Variants in IPCEF1 observed in about 807,000 individuals in gnomAD.
The protein encoded by IPCEF1 is interaction protein for cytohesin exchange factors 1, also known as interactor protein for cytohesin exchange factors 1.
In IPCEF1, 31 loss-of-function variants were observed where a neutral mutation model predicts 50.9. The observed-to-expected ratio is 0.61, with a 90% confidence interval of 0.46 to 0.82. The LOEUF (loss-of-function observed/expected upper bound fraction) is 0.82. Ranked by LOEUF, IPCEF1 falls within the 40% of genes least tolerant of loss-of-function variation. The pLI is 0.00. For missense variants in IPCEF1, 458 were observed against 514.0 expected, an observed-to-expected ratio of 0.89 and a Z score of 1.05; for synonymous variants, 181 against 192.0, an observed-to-expected ratio of 0.94 and a Z score of 0.47.
At chr6:154,283,362 C>T (rs906562157) in intron 2 of IPCEF1, among the ~76,000 whole-genome samples, 2 of 148,622 alleles carry the variant, frequency 1.3e-5, no homozygotes, top group South Asian at 2.1e-4. Context: ...TTTGGGAGGC[C>T]GAGGCGGGTA....
intron 1 of IPCEF1, among the ~76,000 whole-genome samples, chr6:154,339,727 C>T (rs533243947): frequency 1.8e-4 from 28 of 152,132 alleles, no homozygotes; most frequent in African/African-American, 6.7e-4. Flanking sequence ...GTAGCTGGGA[C>T]TACAAGCGCA....
chr6:154,187,394 G>C (rs1801482636), intron 10 of IPCEF1, among the ~76,000 whole-genome samples: 1 of 152,136 alleles, frequency 6.6e-6, no homozygotes, highest in African/African-American at 2.4e-5. Flanking sequence ...CTGTAGGGCT[G>C]TTTATTTTGG....
chr6:154,355,983 A>T (rs1784211251), intron 1 of IPCEF1, among the ~76,000 whole-genome samples: 2 of 152,144 alleles, frequency 1.3e-5, no homozygotes, highest in African/African-American at 4.8e-5. Context: ...TAAAATAAAT[A>T]ACTCGATAGA....
intron 8 of IPCEF1, 76 bp downstream of exon 8, chr6:154,214,142 G>C (rs9478525): frequency 1.1e-6 from 1 of 943,150 alleles, no homozygotes; most frequent in East Asian, 2.4e-5. Flanking sequence ...CATAGAACTT[G>C]ACATTGTTTT....
chr6:154,171,630 T>C (rs1017790217), intron 10 of IPCEF1, among the ~76,000 whole-genome samples: 2 of 152,214 alleles, frequency 1.3e-5, no homozygotes, highest in Non-Finnish European at 2.9e-5. Flanking sequence ...ATGTGAAATA[T>C]ATCTCAATAA....
intron 10 of IPCEF1, among the ~76,000 whole-genome samples, chr6:154,196,263 C>T (rs779335678): frequency 1.2e-4 from 19 of 152,150 alleles, no homozygotes; most frequent in Non-Finnish European, 2.4e-4. Flanking sequence ...ATTCCAACAG[C>T]AACTCTCAAA....
At chr6:154,170,571 A>G (rs1799792842) in intron 10 of IPCEF1, among the ~76,000 whole-genome samples, 2 of 152,236 alleles carry the variant, frequency 1.3e-5, no homozygotes, top group Admixed American at 6.5e-5. Flanking sequence ...CTTTTTCTCT[A>G]CCAAACCGTC....
intron 5 of IPCEF1, among the ~76,000 whole-genome samples, chr6:154,245,670 C>T (rs1012733612): frequency 7.2e-5 from 11 of 152,256 alleles, no homozygotes; most frequent in Admixed American, 7.2e-4. Context: ...ATAAGCAACT[C>T]CTAAGTACTT....
At chr6:154,191,157 A>G (rs959804828) in intron 10 of IPCEF1, among the ~76,000 whole-genome samples, 3 of 152,218 alleles carry the variant, frequency 2.0e-5, no homozygotes, top group Non-Finnish European at 4.4e-5. Context: ...TACATACCAT[A>G]TAATTGCAAC....
chr6:154,224,193 T>G (rs964546815), intron 5 of IPCEF1, among the ~76,000 whole-genome samples: 3 of 152,226 alleles, frequency 2.0e-5, no homozygotes, highest in Non-Finnish European at 4.4e-5. Context: ...GAAAATACAA[T>G]CTTAATTTTA....
intron 10 of IPCEF1, among the ~76,000 whole-genome samples, chr6:154,185,621 A>G (rs1801272993): frequency 6.6e-6 from 1 of 152,212 alleles, no homozygotes; most frequent in Non-Finnish European, 1.5e-5. Flanking sequence ...ATTTAGTATC[A>G]AGTTCTATAT....
At chr6:154,279,246 T>C (rs1309526461) in intron 2 of IPCEF1, among the ~76,000 whole-genome samples, 1 of 151,996 alleles carries the variant, frequency 6.6e-6, no homozygotes, top group Non-Finnish European at 1.5e-5. Context: ...AAGATAGCAA[T>C]ATCATAAAAA....
chr6:154,250,332 A>G (rs982870896), intron 3 of IPCEF1, among the ~76,000 whole-genome samples: 4 of 151,962 alleles, frequency 2.6e-5, no homozygotes, highest in Admixed American at 2.0e-4. Context: ...ACTTGCTATC[A>G]TCATAAATAT....
At chr6:154,223,681 G>A (rs1344159602) in intron 5 of IPCEF1, among the ~76,000 whole-genome samples, 7 of 152,222 alleles carry the variant, frequency 4.6e-5, no homozygotes, top group African/African-American at 1.7e-4. Flanking sequence ...CAGAGCCCTG[G>A]AGTTAGCAAA....
chr6:154,296,097 G>A (rs143967258), intron 1 of IPCEF1, among the ~76,000 whole-genome samples: 173 of 152,300 alleles, frequency 1.1e-3, no homozygotes, highest in African/African-American at 3.9e-3. Context: ...AATATGCTGT[G>A]GGCTCTGTGC....
At chr6:154,212,635 C>T (rs1778057487) in intron 9 of IPCEF1, 135 bp downstream of exon 9, 2 of 622,146 alleles carry the variant, frequency 3.2e-6, no homozygotes, top group South Asian at 2.1e-5. Flanking sequence ...CTGAAAATTG[C>T]ACTTGCTCGT....
chr6:154,195,945 C>T (rs1028463488), intron 10 of IPCEF1, among the ~76,000 whole-genome samples: 1 of 152,062 alleles, frequency 6.6e-6, no homozygotes, highest in South Asian at 2.1e-4. Context: ...GTGTGTGCCA[C>T]CATACCTGGC....
intron 10 of IPCEF1, among the ~76,000 whole-genome samples, chr6:154,189,078 A>G (rs1801631406): frequency 6.6e-6 from 1 of 152,258 alleles, no homozygotes; most frequent in East Asian, 1.9e-4. Flanking sequence ...TAAACTGACA[A>G]TGAAGGAGTA....
At chr6:154,337,596 A>G (rs1036516093) in intron 1 of IPCEF1, among the ~76,000 whole-genome samples, 5 of 152,220 alleles carry the variant, frequency 3.3e-5, no homozygotes, top group Admixed American at 2.6e-4. Context: ...GTGAGTTATT[A>G]TGAAAAAAGA....
Sources: allele counts gnomAD v4.1 joint callset (sites outside exome capture counted in the v4.1 genomes callset), GRCh38; gene constraint gnomAD v4.1.1; transcripts MANE v1.5; gene names NCBI Gene and HGNC (gene_info 2026-07-23, HGNC 2026-07-21).